The following NOVA1 variants were observed in gnomAD, a reference collection of about 807,000 sequenced individuals.
NOVA1 encodes the protein RNA-binding protein Nova-1.
Under a neutral mutation model 38.0 loss-of-function variants are expected in NOVA1, and 7 were observed. The observed-to-expected ratio is 0.18, with a 90% CI of 0.10 to 0.35. NOVA1 has a LOEUF of 0.35. NOVA1 is among the 10% of genes least tolerant of loss of function. The pLI is 1.00. For synonymous variants in NOVA1, 270 were observed against 232.5 expected, an observed-to-expected ratio of 1.16 and a Z score of -1.47; for missense variants, 460 against 616.0, an observed-to-expected ratio of 0.75 and a Z score of 2.68.
chr14:26,589,768 C>A (rs1405886976), intron 2 of NOVA1, among the ~76,000 whole-genome samples: 2 of 151,524 alleles, frequency 1.3e-5, no homozygotes, highest in South Asian at 2.1e-4. Flanking sequence ...ACCTAAAGAC[C>A]CTATCCTTGT....
intron 2 of NOVA1, among the ~76,000 whole-genome samples, chr14:26,519,836 T>C (rs1888742737): frequency 6.6e-6 from 1 of 152,068 alleles, no homozygotes; most frequent in South Asian, 2.1e-4. Flanking sequence ...TAGAAGAAAT[T>C]TTTTTCTTAA....
Position 26,597,785 on chromosome 14 carries a change from G to A in NOVA1, c.-349C>T, listed in dbSNP as rs1894304078. 5.3e-6 allele frequency: 4 copies of A among 748,520 alleles called. No homozygotes were observed. Among genetic ancestry groups the A allele is most frequent in the African/African-American group, 1.9e-5 (1 of 52,940 alleles). The allele number at this position is 748,520 out of a possible 1,614,324, so 46.4% of individuals were successfully genotyped here. On this transcript the variant is annotated 5_prime_UTR_variant, in exon 1 of 5. Coordinates refer to ENST00000539517, the MANE Select transcript of NOVA1 (RefSeq NM_002515.3). ...AGTGAATGAGCGGGAGGAGGGGACC[G>A]GGGAGGACAGGCAGAGGGAGTGGGA...
chr14:26,513,619 C>T (rs1201505973), intron 2 of NOVA1, among the ~76,000 whole-genome samples: 3 of 151,140 alleles, frequency 2.0e-5, no homozygotes, highest in Non-Finnish European at 4.4e-5. Context: ...TTTAAAAATA[C>T]AATGAAAGAA....
intron 2 of NOVA1, among the ~76,000 whole-genome samples, chr14:26,499,915 TCTC>T (rs1329065520): frequency 2.6e-5 from 4 of 152,094 alleles, no homozygotes; most frequent in African/African-American, 7.2e-5. Flanking sequence ...CTATAAAACT[TCTC>T]CTAACACATA....
At position 26,524,381 on chromosome 14, in the gene NOVA1, T is replaced by C. The variant is rs559155136; in HGVS notation, c.281-44238A>G. Among the ~76,000 whole-genome samples, 4 of 152,296 alleles carry C rather than the reference T, an allele frequency of 2.6e-5. No individual in the cohort carries two copies. The South Asian group carries it at 8.3e-4, about 32-fold the overall frequency. On this transcript the variant is annotated intron_variant, in intron 2 of 4. Transcript: ENST00000539517. ...ATTTGTGGATGCAGGCAAAAGAGTT[T>C]TCTTGTAAGTTCACATAGAACAATG...
intron 2 of NOVA1, among the ~76,000 whole-genome samples, chr14:26,496,305 G>A (rs1215667633): frequency 1.3e-5 from 2 of 152,224 alleles, no homozygotes; most frequent in Admixed American, 1.3e-4. Context: ...CTTTTGAGAA[G>A]TGGCTGTTCA....
At chr14:26,563,737 G>T (rs1454245844) in intron 2 of NOVA1, among the ~76,000 whole-genome samples, 1 of 151,902 alleles carries the variant, frequency 6.6e-6, no homozygotes, top group Non-Finnish European at 1.5e-5. Context: ...TAAAACAAAG[G>T]ATTAAAAAAA....
At chr14:26,573,369 A>G (rs1000053150) in intron 2 of NOVA1, among the ~76,000 whole-genome samples, 1 of 152,122 alleles carries the variant, frequency 6.6e-6, no homozygotes, top group African/African-American at 2.4e-5. Flanking sequence ...TACCCTTTCA[A>G]AAAATTTTGT....
At chr14:26,569,450 T>C (rs927630318) in intron 2 of NOVA1, among the ~76,000 whole-genome samples, 4 of 152,252 alleles carry the variant, frequency 2.6e-5, no homozygotes, top group Non-Finnish European at 4.4e-5. Context: ...TATGCATTTA[T>C]CTGTGGCTTA....
intron 2 of NOVA1, among the ~76,000 whole-genome samples, chr14:26,574,182 C>A (rs757621634): frequency 9.3e-5 from 14 of 151,316 alleles, no homozygotes; most frequent in Middle Eastern, 3.2e-3. Flanking sequence ...CCTGTTACCA[C>A]GCCTGGCTAA....
rs1345337202 is a variant in NOVA1 at position 26,444,653 on chromosome 14, A to G, written c.*3306T>C. The G allele has an allele frequency of 6.6e-6, 1 of 152,124 alleles. No homozygotes were observed. Among genetic ancestry groups the G allele is most frequent in the Non-Finnish European group, 1.5e-5 (1 of 68,028 alleles). 9.4% of individuals were successfully genotyped at this position (152,124 alleles called of 1,614,324 possible). A position where few individuals can be genotyped will look rare whatever the true frequency, so the allele number is the denominator to read the frequency against. On this transcript the variant is annotated 3_prime_UTR_variant, in exon 5 of 5. Transcript: ENST00000539517. ...AAATGACTTCCACAGAAATAGATAC[A>G]TTTAACTGTTTCAGGAGTGGGGTGG... is the stretch of plus-strand genomic sequence containing the variant.
At chr14:26,506,240 T>G (rs983211478) in intron 2 of NOVA1, among the ~76,000 whole-genome samples, 12 of 152,328 alleles carry the variant, frequency 7.9e-5, no homozygotes, top group African/African-American at 2.9e-4. Context: ...GCTACAGGTA[T>G]TTTCCCAAGT....
intron 2 of NOVA1, among the ~76,000 whole-genome samples, chr14:26,575,060 T>G (rs577760415): frequency 5.0e-4 from 76 of 152,342 alleles, no homozygotes; most frequent in African/African-American, 1.7e-3. Context: ...CACGTACTAC[T>G]GTTTAGGAGT....
At chr14:26,592,831 T>C (rs866007809) in intron 2 of NOVA1, 1 of 151,866 alleles carries the variant, frequency 6.6e-6, no homozygotes, top group Middle Eastern at 3.4e-3. Context: ...GTCCCGAGTG[T>C]GTCTGTATTC....
At chr14:26,506,797 C>T (rs1452171427) in intron 2 of NOVA1, among the ~76,000 whole-genome samples, 1 of 152,076 alleles carries the variant, frequency 6.6e-6, no homozygotes, top group African/African-American at 2.4e-5. Context: ...CCAGGCTGGT[C>T]TCAAACTCCT....
chr14:26,497,427 G>A (rs1298994641), intron 2 of NOVA1, among the ~76,000 whole-genome samples: 4 of 152,114 alleles, frequency 2.6e-5, no homozygotes, highest in African/African-American at 4.8e-5. Context: ...AAAATCCAAC[G>A]TAAATGTCAA....
chr14:26,464,634 CT>C (rs1883969293), intron 4 of NOVA1, among the ~76,000 whole-genome samples: 1 of 151,982 alleles, frequency 6.6e-6, no homozygotes, highest in African/African-American at 2.4e-5. Flanking sequence ...TTACTAGTTT[CT>C]TGATATTTCT....
At chr14:26,490,615 C>T (rs1405994392) in intron 2 of NOVA1, among the ~76,000 whole-genome samples, 5 of 152,146 alleles carry the variant, frequency 3.3e-5, no homozygotes, top group Non-Finnish European at 4.4e-5. Flanking sequence ...CACGTGCTTA[C>T]TGTTCATTTG....
chr14:26,519,934 A>G (rs553986429), intron 2 of NOVA1, among the ~76,000 whole-genome samples: 127 of 152,316 alleles, frequency 8.3e-4, no homozygotes, highest in South Asian at 1.9e-3. Context: ...TTCTGTTGAT[A>G]TACACGTGCA....
Sources: gnomAD v4.1 joint callset for allele counts (sites outside exome capture counted in the v4.1 genomes callset) on GRCh38, gnomAD v4.1.1 for gene constraint, MANE v1.5 for transcripts, NCBI Gene and HGNC (gene_info 2026-07-23, HGNC 2026-07-21) for gene names.